LDLRAD4: variants seen among roughly 807,000 people sequenced by gnomAD.
The protein encoded by LDLRAD4 is low density lipoprotein receptor class A domain containing 4, also known as low-density lipoprotein receptor class A domain-containing protein 4.
In LDLRAD4, 5 loss-of-function variants were observed where a neutral mutation model predicts 17.0. The ratio of observed to expected loss-of-function variants is 0.29; its 90% CI spans 0.15 to 0.62. The LOEUF (loss-of-function observed/expected upper bound fraction) is 0.62. LDLRAD4 is among the 20% of genes least tolerant of loss of function. LDLRAD4 has a pLI of 0.84. For missense variants in LDLRAD4, 340 were observed against 424.7 expected (o/e 0.80, Z 1.75); for synonymous variants, 168 against 171.8 (o/e 0.98, Z 0.17).
intron 3 of LDLRAD4, among the ~76,000 whole-genome samples, chr18:13,445,664 GTT>G (rs1464341282): frequency 6.6e-6 from 1 of 151,692 alleles, no homozygotes; most frequent in Non-Finnish European, 1.5e-5. Context: ...GCATGAGTGT[GTT>G]TGCGTGTGTG....
chr18:13,319,558 A>T (rs1011186224), intron 1 of LDLRAD4, among the ~76,000 whole-genome samples: 1 of 152,212 alleles, frequency 6.6e-6, no homozygotes, highest in Non-Finnish European at 1.5e-5. Context: ...TCTAAAAGTT[A>T]TCACTAGATG....
At chr18:13,612,588 C>A in intron 3 of LDLRAD4, 1 of 1,537,462 alleles carries the variant, frequency 6.5e-7, no homozygotes, top group Non-Finnish European at 8.8e-7. Flanking sequence ...ACACCCCATG[C>A]CAGCTATAAC....
chr18:13,410,091 C>T (rs1028474242), intron 2 of LDLRAD4, among the ~76,000 whole-genome samples: 4 of 152,116 alleles, frequency 2.6e-5, no homozygotes, highest in Admixed American at 6.5e-5. Context: ...AGACCCAAAT[C>T]GAAGGACGTT....
At chr18:13,423,218 C>A (rs543225083) in intron 2 of LDLRAD4, among the ~76,000 whole-genome samples, 4 of 152,122 alleles carry the variant, frequency 2.6e-5, no homozygotes, top group African/African-American at 9.6e-5. Context: ...CTTGGCAGGG[C>A]GTGGTGGCTC....
Position 13,544,816 on chromosome 18 carries a change from G to A in LDLRAD4, c.182-76301G>A, listed in dbSNP as rs180935090. ...GCTAGGTCCAACCGTTTCAGCTGCC[G>A]CCAGGAAAAAGGGTCCAACTCCCTG... On this transcript the variant is annotated intron_variant, in intron 3 of 5. Transcript: ENST00000359446. 6.0e-5 allele frequency among the ~76,000 whole-genome samples: 9 copies of A among 150,894 alleles called. No individual in the cohort carries two copies. In the East Asian group the frequency reaches 1.4e-3, roughly 23 times the overall value.
intron 3 of LDLRAD4, among the ~76,000 whole-genome samples, chr18:13,578,452 T>C (rs1442742020): frequency 1.3e-5 from 2 of 152,204 alleles, no homozygotes; most frequent in East Asian, 3.8e-4. Flanking sequence ...ACATCATCAT[T>C]GTCATCGGAA....
At chr18:13,499,245 C>T (rs980028230) in intron 3 of LDLRAD4, among the ~76,000 whole-genome samples, 25 of 148,912 alleles carry the variant, frequency 1.7e-4, no homozygotes, top group African/African-American at 4.7e-4. Flanking sequence ...CACTTCCCAC[C>T]GTGGACACTG....
intron 4 of LDLRAD4, chr18:13,642,535 T>A: frequency 8.1e-7 from 1 of 1,227,740 alleles, no homozygotes; most frequent in Non-Finnish European, 1.0e-6. Context: ...ATCTGCCCTG[T>A]GAATAGGTGG....
intron 3 of LDLRAD4, chr18:13,526,832 G>C (rs911728592): frequency 6.6e-6 from 1 of 152,340 alleles, no homozygotes; most frequent in South Asian, 2.1e-4. Context: ...GTGAACTAAG[G>C]CTTCTGAGTG....
At chr18:13,272,194 C>G (rs1292568613) in intron 1 of LDLRAD4, among the ~76,000 whole-genome samples, 3 of 152,130 alleles carry the variant, frequency 2.0e-5, no homozygotes, top group Admixed American at 6.5e-5. Context: ...ACACCTGGCC[C>G]TCAGTGCTGA....
intron 1 of LDLRAD4, among the ~76,000 whole-genome samples, chr18:13,252,830 T>C (rs895582105): frequency 2.0e-5 from 3 of 152,272 alleles, no homozygotes; most frequent in African/African-American, 7.2e-5. Flanking sequence ...TGTCTGGCTC[T>C]GAGCCCTTCT....
chr18:13,520,399 GT>G (rs1377665119), intron 3 of LDLRAD4: 9 of 152,186 alleles, frequency 5.9e-5, no homozygotes, highest in Admixed American at 5.9e-4. Flanking sequence ...TTAGTGCTCT[GT>G]TTGCTGAGAT....
At chr18:13,481,905 G>T (rs9948572) in intron 3 of LDLRAD4, among the ~76,000 whole-genome samples, 4 of 151,964 alleles carry the variant, frequency 2.6e-5, no homozygotes, top group Admixed American at 6.5e-5. Flanking sequence ...TGGGCAGGAG[G>T]GGGAAGGCAG....
rs2084108722 is a variant in LDLRAD4, at chr18:13,367,094, A to C, written c.-382-20247A>C. ...CAGTTTACTCTTAGGACATTTGCCC[A>C]CAGCGAGATGCAAACTGGGTGTCAC... On this transcript the variant is annotated intron_variant, in intron 1 of 5. Coordinates refer to ENST00000359446, the Ensembl canonical transcript of LDLRAD4. The surrounding 1 kb of genome is among the most constrained non-coding windows in gnomAD (Gnocchi z 4.1). 6.6e-6 allele frequency among the ~76,000 whole-genome samples: 1 copy of C among 152,218 alleles called. No homozygotes were observed. Among genetic ancestry groups the C allele is most frequent in the African/African-American group, 2.4e-5 (1 of 41,466 alleles).
chr18:13,387,256 C>T (rs747290758), intron 1 of LDLRAD4, 85 bp from the exon 3 acceptor site: 45 of 155,308 alleles, frequency 2.9e-4, no homozygotes, highest in African/African-American at 6.3e-4. Context: ...GAGGCAGCTC[C>T]GTGGCTTTTC....
At chr18:13,230,797 T>C (rs982670141) in intron 1 of LDLRAD4, among the ~76,000 whole-genome samples, 4 of 152,196 alleles carry the variant, frequency 2.6e-5, no homozygotes, top group Admixed American at 2.6e-4. Context: ...CCACAGACCA[T>C]ATCTTGCTCC....
chr18:13,405,587 T>A (rs768873131), intron 2 of LDLRAD4, among the ~76,000 whole-genome samples: 9 of 151,338 alleles, frequency 5.9e-5, no homozygotes, highest in South Asian at 2.1e-4. Context: ...CAAGCCACCA[T>A]GCCTGGCTAA....
chr18:13,225,120 G>A (rs968039399), intron 1 of LDLRAD4, among the ~76,000 whole-genome samples: 2 of 152,222 alleles, frequency 1.3e-5, no homozygotes, highest in Admixed American at 6.5e-5. Flanking sequence ...ACAGGTGTGA[G>A]CCACTGCGCC....
At chr18:13,631,816 AC>A (rs2041688703) in intron 4 of LDLRAD4, among the ~76,000 whole-genome samples, 1 of 151,932 alleles carries the variant, frequency 6.6e-6, no homozygotes, top group Non-Finnish European at 1.5e-5. Context: ...AATCCCAACT[AC>A]TCGGGAGGCT....
Sources: allele counts gnomAD v4.1 joint callset (sites outside exome capture counted in the v4.1 genomes callset), GRCh38; gene constraint gnomAD v4.1.1; non-coding constraint Gnocchi (gnomAD v3.1); transcripts MANE v1.5; gene names NCBI Gene and HGNC (gene_info 2026-07-23, HGNC 2026-07-21).